Variants in MKNK2 observed in about 807,000 individuals in gnomAD.
MKNK2 encodes MAP kinase-interacting serine/threonine-protein kinase 2.
In MKNK2, 54 loss-of-function variants were observed where a neutral mutation model predicts 55.0. The ratio of observed to expected loss-of-function variants is 0.98; its 90% CI spans 0.79 to 1.23. The LOEUF (loss-of-function observed/expected upper bound fraction) is 1.23, where lower values mean the gene tolerates loss of function less well. Among genes scored for constraint, MKNK2 ranks in the 50% most tolerant of loss-of-function variants. The pLI, the probability that MKNK2 is intolerant of heterozygous loss-of-function variation, is 0.00. For synonymous variants in MKNK2, 323 were observed against 256.0 expected (o/e 1.26, Z -2.50); for missense variants, 685 against 632.1 (o/e 1.08, Z -0.90).
chr19:2,043,716 C>G, intron 5 of MKNK2, 134 bp from the exon 6 acceptor site: 1 of 815,844 alleles, frequency 1.2e-6, no homozygotes, highest in Non-Finnish European at 2.0e-6. Flanking sequence ...GGGCTCACGC[C>G]TGTCATCCCA....
At chr19:2,040,790 C>T in intron 12 of MKNK2, 1 of 541,272 alleles carries the variant, frequency 1.8e-6, no homozygotes, top group Non-Finnish European at 3.3e-6. Flanking sequence ...GCTGTGGGTC[C>T]CCACCACCCT....
rs757124310 is a variant in MKNK2, at chr19:2,039,824, G to A, written c.1187C>T (p.Ala396Val). ...CCGGTTCATGGCAATGGCCTCAGCCGCGAAGGACGTGAGGTCTTTGGCACA... is the reference window on the plus strand; with the variant it reads ...CCGGTTCATGGCAATGGCCTCAGCCACGAAGGACGTGAGGTCTTTGGCACA... Reference protein sequence around the residue: ...NSCAKDLTSFAAEAIAMNRQL... With the variant: ...NSCAKDLTSFVAEAIAMNRQL... The change falls in exon 14 of 14, where the codon GCG (alanine) becomes GTG (valine). Residue 396 changes from alanine to valine, a missense_variant. By Grantham distance (64) the Ala-to-Val change is moderately conservative (BLOSUM62 0). Coordinates refer to ENST00000250896, the MANE Select transcript of MKNK2 (RefSeq NM_199054.3). 34 of 1,602,324 alleles carry A rather than the reference G, an allele frequency of 2.1e-5. No homozygotes were observed. The highest frequency in any genetic ancestry group is 2.6e-5 in the Non-Finnish European group (31 of 1,177,928).
chr19:2,038,599 C>A lies in MKNK2; in HGVS notation c.*1014G>T. On this transcript the variant is annotated 3_prime_UTR_variant, in exon 14 of 14. Transcript: ENST00000250896. ...CCTGGGGGTGAGGATTCGGCCAGAC[C>A]CCGGGGTCTGGGCTCAGCTCTAAGG... The A allele has an allele frequency of 1.0e-6, 1 of 985,330 alleles. No homozygotes were observed. Among genetic ancestry groups the A allele is most frequent in the Non-Finnish European group, 1.2e-6 (1 of 829,868 alleles). The allele number at this position is 985,330 out of a possible 1,614,324, so 61.0% of individuals were successfully genotyped here.
intron 12 of MKNK2, 96 bp downstream of exon 12, chr19:2,040,944 T>G (rs777258731): frequency 2.5e-6 from 3 of 1,197,722 alleles, no homozygotes; most frequent in Non-Finnish European, 3.6e-6. Flanking sequence ...CATCTCAGGG[T>G]GTCCAGGCTA....
intron 3 of MKNK2, 47 bp from the exon 4 acceptor site, chr19:2,046,515 G>T (rs577148950): frequency 6.4e-7 from 1 of 1,570,482 alleles, no homozygotes; most frequent in South Asian, 1.2e-5. Context: ...GGCCCTGGCC[G>T]GCCGGCCCCC....
At chr19:2,045,936 G>A (rs577653636) in intron 5 of MKNK2, among the ~76,000 whole-genome samples, 71 of 152,338 alleles carry the variant, frequency 4.7e-4, no homozygotes, top group Admixed American at 5.2e-4. Context: ...TGTACCCTCA[G>A]GGACAGCTCA....
rs758656685 is a variant in MKNK2, at chr19:2,041,054, G to A, written c.1096C>T (p.Pro366Ser). 17 of 1,613,792 alleles carry A rather than the reference G, an allele frequency of 1.1e-5. No individual in the cohort carries two copies. The highest frequency in any genetic ancestry group is 2.2e-5 in the South Asian group (2 of 91,086). ...RLSAAQVLQH[P>S]WVQGCAPENT... ...CTGGTACTCACCCCCTGAACCCAGG[G>A]GTGCTGCAGGACTTGGGCGGCACTC... The change falls in exon 12 of 14, where the codon CCC becomes TCC. Residue 366 changes from proline to serine, a missense_variant. Physicochemically the swap from Pro to Ser is moderately conservative, Grantham distance 74. Transcript: ENST00000250896.
Position 2,042,009 on chromosome 19 carries a change from G to A in MKNK2, c.776C>T (p.Pro259Leu). The change falls in exon 11 of 14, where the codon CCG becomes CTG. Residue 259 changes from proline (P) to leucine (L), a missense_variant. Pro to Leu is a moderately conservative substitution (Grantham distance 98). Coordinates refer to ENST00000250896, the MANE Select transcript of MKNK2 (RefSeq NM_199054.3). ...TPCGSAEYMA[P>L]EVVEAFSEEA... ...CTCGCTGAAGGCCTCCACTACCTCC[G>A]GGGCCATGTACTCCGCCGAGCCGCA... The A allele has an allele frequency of 2.6e-6, 4 of 1,542,842 alleles. No individual in the cohort carries two copies. The highest frequency in any genetic ancestry group is 2.6e-6 in the Non-Finnish European group (3 of 1,145,244).
At position 2,040,178 on chromosome 19, in the gene MKNK2, C is replaced by T; in HGVS notation, c.1111-1G>A. On this transcript the variant is annotated splice_acceptor_variant, in intron 12 of 13. Coordinates refer to ENST00000250896, the MANE Select transcript of MKNK2 (RefSeq NM_199054.3). LOFTEE classifies it high-confidence loss of function. ...TGGGCAAGGTGTTCTCCGGGGCGCA[C>T]TGCAACGAGAGTGGGCGGGGGCAGG... 1.3e-6 allele frequency: 2 copies of T among 1,578,810 alleles called. No homozygotes were observed. The highest frequency in any genetic ancestry group is 1.2e-5 in the South Asian group (1 of 86,302).
chr19:2,049,702 A>G (rs2017072102), intron 2 of MKNK2, among the ~76,000 whole-genome samples: 1 of 152,200 alleles, frequency 6.6e-6, no homozygotes, highest in Non-Finnish European at 1.5e-5. Flanking sequence ...AGGAGGGAGA[A>G]GACCACTGTC....
Position 2,037,833 on chromosome 19 carries a change from C to G in MKNK2, c.*1780G>C, listed in dbSNP as rs77702918. 3 of 1,506,086 alleles carry G rather than the reference C, an allele frequency of 2.0e-6. No homozygotes were observed. Among genetic ancestry groups the G allele is most frequent in the Admixed American group, 2.0e-5 (1 of 50,738 alleles). 93.3% of individuals were successfully genotyped at this position (1,506,086 alleles called of 1,614,324 possible). A position where few individuals can be genotyped will look rare whatever the true frequency, so the allele number is the denominator to read the frequency against. ...GAGGAGGAAGTGACTGTCCCACCTT[C>G]AGAAAAAAAAAAAAAAACAAACAAA... is the stretch of plus-strand genomic sequence containing the variant. On this transcript the variant is annotated 3_prime_UTR_variant, in exon 14 of 14. Coordinates refer to ENST00000250896, the MANE Select transcript of MKNK2 (RefSeq NM_199054.3).
chr19:2,046,940 AGTGT>A (rs1299340063), intron 2 of MKNK2, among the ~76,000 whole-genome samples: 2 of 152,204 alleles, frequency 1.3e-5, no homozygotes, highest in Non-Finnish European at 2.9e-5. Flanking sequence ...CCCCACACTC[AGTGT>A]GTGTGTGGAT....
chr19:2,050,102 C>T (rs533657195), intron 2 of MKNK2, among the ~76,000 whole-genome samples: 1 of 152,280 alleles, frequency 6.6e-6, no homozygotes, highest in East Asian at 1.9e-4. Flanking sequence ...GGGCCCCTGC[C>T]CAGCACCTGC....
At position 2,046,609 on chromosome 19, in the gene MKNK2, C is replaced by T. The variant is rs149785198; in HGVS notation, c.134G>A (p.Arg45His). 96 of 1,566,130 alleles carry T rather than the reference C, an allele frequency of 6.1e-5. No individual in the cohort carries two copies. Among genetic ancestry groups the T allele is most frequent in the Non-Finnish European group, 7.6e-5 (88 of 1,156,650 alleles). Residue 45 changes from arginine to histidine, a missense_variant, in exon 3 of 14, where the codon CGC (arginine) becomes CAC (histidine). Coordinates refer to ENST00000250896, the MANE Select transcript of MKNK2 (RefSeq NM_199054.3). The stretch of plus-strand genomic sequence containing the variant: ...CTCCCCCTCGGGCCCCTCACCAGGG[C>T]GGGCTGAGCACTGCAGGCCAAAGTC... ...DSDFGLQCSARPDMPASQPID... is the reference protein window; with the variant it reads ...DSDFGLQCSAHPDMPASQPID...
rs145777830 is a variant in MKNK2 at position 2,039,677 on chromosome 19, G to A, written c.1334C>T (p.Ala445Val). Residue 445 changes from alanine to valine, a missense_variant, in exon 14 of 14, where the codon GCG (alanine) becomes GTG (valine). By Grantham distance (64) the Ala-to-Val change is moderately conservative. Transcript: ENST00000250896. Reference protein sequence around the residue: ...QLSPPSQSKLAQRRQRASLSS... With the variant: ...QLSPPSQSKLVQRRQRASLSS... The stretch of plus-strand genomic sequence containing the variant: ...CAGACTGGCCCTTTGCCGCCGCTGC[G>A]CCAGCTTGGACTGGGAGGGTGGAGA... The A allele has an allele frequency of 2.0e-4, 320 of 1,613,036 alleles. No homozygotes were observed. The highest frequency in any genetic ancestry group is 8.7e-4 in the East Asian group (39 of 44,888).
rs927094864 is a variant in MKNK2 at position 2,050,906 on chromosome 19, C to A, written c.-55G>T. 1.5e-6 allele frequency: 2 copies of A among 1,371,062 alleles called. No individual in the cohort carries two copies. The highest frequency in any genetic ancestry group is 2.0e-6 in the Non-Finnish European group (2 of 1,024,978). The allele number at this position is 1,371,062 out of a possible 1,614,324, so 84.9% of individuals were successfully genotyped here. A position where few individuals can be genotyped will look rare whatever the true frequency, so the allele number is the denominator to read the frequency against. On this transcript the variant is annotated 5_prime_UTR_variant, in exon 2 of 14. Transcript: ENST00000250896. ...GGGACCGAGGGCCCGGGGGGAGGCCCGAGGGCGGGCGGCCGGGCGGGGGGC... is the reference window on the plus strand; with the variant it reads ...GGGACCGAGGGCCCGGGGGGAGGCCAGAGGGCGGGCGGCCGGGCGGGGGGC...
Position 2,042,050 on chromosome 19 carries a change from G to GGGCGCGTCAGC in MKNK2, c.751-27_751-17dup, listed in dbSNP as rs2016897822. 1.4e-6 allele frequency: 2 copies of GGGCGCGTCAGC among 1,467,798 alleles called. No individual in the cohort carries two copies. Among genetic ancestry groups the GGGCGCGTCAGC allele is most frequent in the East Asian group, 5.5e-5 (2 of 36,474 alleles). The allele number at this position is 1,467,798 out of a possible 1,614,324, so 90.9% of individuals were successfully genotyped here. A position where few individuals can be genotyped will look rare whatever the true frequency, so the allele number is the denominator to read the frequency against. On this transcript the variant is annotated splice_polypyrimidine_tract_variant and intron_variant, in intron 10 of 13. Coordinates refer to ENST00000250896, the MANE Select transcript of MKNK2 (RefSeq NM_199054.3). ...CCGAGCCGCACTGCGGGCGGGGGAGGGGCGCGTCAGCCGGGGTTTCCCAGC... is the reference window on the plus strand; with the variant it reads ...CCGAGCCGCACTGCGGGCGGGGGAGGGGCGCGTCAGCGGCGCGTCAGCCGGGGTTTCCCAGC...
In MKNK2 at chr19:2,051,183, A is replaced by T. The variant is rs1197618986; in HGVS notation, c.-184T>A. 3 of 155,164 alleles carry T rather than the reference A, an allele frequency of 1.9e-5. No individual in the cohort carries two copies. The highest frequency in any genetic ancestry group is 3.5e-4 in the South Asian group (2 of 5,678). The allele number at this position is 155,164 out of a possible 1,614,324, so 9.6% of individuals were successfully genotyped here. ...CCGCTCCGCGGACCGCGCGGGGAAC[A>T]GCGCCGCCGCCGCCGCCAGCGCGGA... On this transcript the variant is annotated 5_prime_UTR_variant, in exon 1 of 14. Coordinates refer to ENST00000250896, the MANE Select transcript of MKNK2 (RefSeq NM_199054.3).
chr19:2,043,800 C>G (rs894991748), intron 5 of MKNK2, among the ~76,000 whole-genome samples: 1 of 151,996 alleles, frequency 6.6e-6, no homozygotes, highest in Non-Finnish European at 1.5e-5. Flanking sequence ...ATGGCAAAAC[C>G]CTGTCTCTAC....
Sources: allele counts gnomAD v4.1 joint callset (sites outside exome capture counted in the v4.1 genomes callset), GRCh38; gene constraint gnomAD v4.1.1; transcripts MANE v1.5; gene names NCBI Gene and HGNC (gene_info 2026-07-23, HGNC 2026-07-21).